The following TRIM2 variants were observed in gnomAD, a reference collection of about 807,000 sequenced individuals.
TRIM2 encodes tripartite motif-containing protein 2.
A neutral mutation model predicts 75.2 loss-of-function variants in TRIM2; 20 were observed. The ratio of observed to expected loss-of-function variants is 0.27; its 90% confidence interval spans 0.19 to 0.39. The LOEUF (loss-of-function observed/expected upper bound fraction) is 0.39. Among genes scored for constraint, TRIM2 ranks in the 10% least tolerant of loss-of-function variants. The pLI, the probability that TRIM2 is intolerant of heterozygous loss-of-function variation, is 1.00. For missense variants in TRIM2, 660 were observed against 990.8 expected (o/e 0.67, Z 4.48); for synonymous variants, 373 against 388.3 (o/e 0.96, Z 0.46).
intron 1 of TRIM2, among the ~76,000 whole-genome samples, chr4:153,231,625 T>C (rs767969410): frequency 1.3e-5 from 2 of 152,152 alleles, no homozygotes; most frequent in Non-Finnish European, 2.9e-5. Context: ...TCAGTGCCTA[T>C]TGGAGAAATA....
chr4:153,177,898 C>T (rs903394010), intron 1 of TRIM2, among the ~76,000 whole-genome samples: 15 of 151,992 alleles, frequency 9.9e-5, no homozygotes, highest in African/African-American at 3.6e-4. Flanking sequence ...ACCTCCAGGA[C>T]TCCAGTGATC....
intron 11 of TRIM2, among the ~76,000 whole-genome samples, chr4:153,333,090 T>A (rs1678394667): frequency 6.6e-6 from 1 of 152,206 alleles, no homozygotes; most frequent in African/African-American, 2.4e-5. Context: ...AATAGGTTCA[T>A]GATTAAACAA....
intron 8 of TRIM2, among the ~76,000 whole-genome samples, chr4:153,320,597 A>C (rs1270401633): frequency 2.0e-5 from 3 of 152,010 alleles, no homozygotes; most frequent in Non-Finnish European, 4.4e-5. Flanking sequence ...ATTGTTCCTT[A>C]CCTTAATTTG....
intron 2 of TRIM2, among the ~76,000 whole-genome samples, chr4:153,271,800 C>G (rs941803438): frequency 6.6e-6 from 1 of 152,168 alleles, no homozygotes; most frequent in Non-Finnish European, 1.5e-5. Context: ...AGATCGTTAC[C>G]TGATGTGCAG....
At chr4:153,259,972 T>G (rs1228476143) in intron 1 of TRIM2, among the ~76,000 whole-genome samples, 1 of 152,218 alleles carries the variant, frequency 6.6e-6, no homozygotes, top group African/African-American at 2.4e-5. Flanking sequence ...CCTCTATTTT[T>G]CCATTAAGTG....
chr4:153,309,453 A>T (rs912898778), intron 6 of TRIM2, among the ~76,000 whole-genome samples: 3 of 152,154 alleles, frequency 2.0e-5, no homozygotes, highest in African/African-American at 7.2e-5. Context: ...TTTTCCAGTG[A>T]TACAATGGGG....
chr4:153,164,321 AAT>A (rs1730065305), intron 1 of TRIM2, among the ~76,000 whole-genome samples: 1 of 152,134 alleles, frequency 6.6e-6, no homozygotes, highest in Non-Finnish European at 1.5e-5. Flanking sequence ...ACATGCACTT[AAT>A]TTTTAAAAAT....
At chr4:153,244,421 TTCTTCTTC>T (rs1748402719) in intron 1 of TRIM2, among the ~76,000 whole-genome samples, 5 of 89,094 alleles carry the variant, frequency 5.6e-5, no homozygotes, top group Admixed American at 1.3e-4. Flanking sequence ...CTTCTTCTTC[TTCTTCTTC>T]TTCTTCTTTT....
chr4:153,263,518 G>A (rs577134393), intron 1 of TRIM2, among the ~76,000 whole-genome samples: 18 of 152,280 alleles, frequency 1.2e-4, no homozygotes, highest in African/African-American at 4.1e-4. Context: ...AAAAGATAAT[G>A]TCTACTATGT....
chr4:153,155,043 G>A (rs552867717), intron 1 of TRIM2, among the ~76,000 whole-genome samples: 2 of 152,282 alleles, frequency 1.3e-5, no homozygotes, highest in Admixed American at 6.5e-5. Context: ...GAGAGGCTGA[G>A]GCAGGGGAAT....
chr4:153,179,108 A>T (rs1731778038), intron 1 of TRIM2, among the ~76,000 whole-genome samples: 1 of 152,104 alleles, frequency 6.6e-6, no homozygotes, highest in African/African-American at 2.4e-5. Context: ...GGTGAAGGTC[A>T]AAGCTGCAGT....
At chr4:153,221,687 A>T (rs1048673526) in intron 1 of TRIM2, among the ~76,000 whole-genome samples, 1 of 151,568 alleles carries the variant, frequency 6.6e-6, no homozygotes, top group Non-Finnish European at 1.5e-5. Context: ...TAAGGAAGGA[A>T]GGATGGAGGG....
chr4:153,280,594 C>T (rs1018762498), intron 3 of TRIM2, among the ~76,000 whole-genome samples: 42 of 152,034 alleles, frequency 2.8e-4, no homozygotes, highest in African/African-American at 9.9e-4. Context: ...GTTGCCCAGG[C>T]TGGTTGCAAA....
At chr4:153,308,992 T>C (rs1434533861) in intron 6 of TRIM2, among the ~76,000 whole-genome samples, 3 of 152,066 alleles carry the variant, frequency 2.0e-5, no homozygotes, top group Non-Finnish European at 4.4e-5. Flanking sequence ...GCATTTCAAG[T>C]GGAAAAAGAT....
chr4:153,185,520 T>C (rs1732512081), intron 1 of TRIM2, among the ~76,000 whole-genome samples: 1 of 152,160 alleles, frequency 6.6e-6, no homozygotes, highest in African/African-American at 2.4e-5. Context: ...AATCTGTCAT[T>C]TTCTGAGGAA....
chr4:153,193,322 AG>A (rs1406561320), intron 1 of TRIM2, among the ~76,000 whole-genome samples: 1 of 151,752 alleles, frequency 6.6e-6, no homozygotes, highest in Non-Finnish European at 1.5e-5. Flanking sequence ...TAGTAGAGAC[AG>A]GGTTTCACTG....
chr4:153,293,261 T>G, intron 4 of TRIM2, 128 bp downstream of exon 4: 1 of 972,818 alleles, frequency 1.0e-6, no homozygotes, highest in Non-Finnish European at 1.5e-6. Flanking sequence ...GGTAAATAAG[T>G]TCTTTTATCA....
intron 2 of TRIM2, among the ~76,000 whole-genome samples, chr4:153,274,831 C>T (rs1202530186): frequency 2.0e-5 from 3 of 152,168 alleles, no homozygotes; most frequent in Non-Finnish European, 4.4e-5. Context: ...AATTGAAAAA[C>T]ATCTGCTGGA....
At chr4:153,311,641 T>C (rs1209765520) in intron 6 of TRIM2, among the ~76,000 whole-genome samples, 1 of 151,942 alleles carries the variant, frequency 6.6e-6, no homozygotes, top group Non-Finnish European at 1.5e-5. Context: ...GGGTTTTATA[T>C]AGTCACTTCT....
Sources: allele counts gnomAD v4.1 joint callset (sites outside exome capture counted in the v4.1 genomes callset), GRCh38; gene constraint gnomAD v4.1.1; transcripts MANE v1.5; gene names NCBI Gene and HGNC (gene_info 2026-07-23, HGNC 2026-07-21).